Variants in SVIL observed in about 807,000 individuals in gnomAD.
SVIL encodes the protein supervillin.
In SVIL, 101 loss-of-function variants were observed where a neutral mutation model predicts 240.4. The ratio of observed to expected loss-of-function variants is 0.42; its 90% CI spans 0.36 to 0.50. SVIL has a LOEUF of 0.50. SVIL is among the 20% of genes least tolerant of loss of function. The pLI is 0.01. For synonymous variants in SVIL, 999 were observed against 1,100.0 expected (o/e 0.91, Z 1.82); for missense variants, 2,512 against 2,818.7 (o/e 0.89, Z 2.46).
intron 5 of SVIL, among the ~76,000 whole-genome samples, chr10:29,552,434 G>A (rs756749957): frequency 8.6e-5 from 13 of 151,486 alleles, no homozygotes; most frequent in African/African-American, 2.2e-4. Flanking sequence ...ATGGTGGTGC[G>A]TGCTTGTAAT....
At chr10:29,597,235 A>G (rs1956628885) in intron 1 of SVIL, among the ~76,000 whole-genome samples, 1 of 152,214 alleles carries the variant, frequency 6.6e-6, no homozygotes, top group Non-Finnish European at 1.5e-5. Context: ...AACGGGCTGC[A>G]CTGCTCACTT....
intron 1 of SVIL, among the ~76,000 whole-genome samples, chr10:29,572,763 CAAAAAAA>C (rs375180538): frequency 2.5e-5 from 2 of 81,332 alleles, no homozygotes; most frequent in African/African-American, 9.5e-5. Flanking sequence ...GATCCTATCT[CAAAAAAA>C]AAAAAAAAAA....
Position 29,626,393 on chromosome 10 carries a change from G to A in SVIL, c.-201+8027C>T, listed in dbSNP as rs185629355. Among the ~76,000 whole-genome samples the A allele has an allele frequency of 1.1e-4, 17 of 152,126 alleles. No individual in the cohort carries two copies. In the East Asian group the frequency reaches 2.7e-3, roughly 24 times the overall value. On this transcript the variant is annotated intron_variant, in intron 1 of 37. Transcript: ENST00000355867. ...GAGGGCAGGAATTTTGTTTCCCACC[G>A]CTCTTTCCCCAACACCTATACCAGT...
intron 6 of SVIL, among the ~76,000 whole-genome samples, chr10:29,547,795 A>C (rs552454607): frequency 1.3e-5 from 2 of 152,218 alleles, no homozygotes; most frequent in Non-Finnish European, 2.9e-5. Context: ...AGCTCTCATC[A>C]TGTGGCAATC....
At chr10:29,530,105 T>C (rs529834927) in intron 11 of SVIL, among the ~76,000 whole-genome samples, 1 of 152,166 alleles carries the variant, frequency 6.6e-6, no homozygotes, top group Non-Finnish European at 1.5e-5. Flanking sequence ...GCCTGGGAAG[T>C]TGAGGCTGCA....
intron 33 of SVIL, among the ~76,000 whole-genome samples, chr10:29,466,629 T>C (rs1444444917): frequency 1.3e-5 from 2 of 152,182 alleles, no homozygotes; most frequent in East Asian, 3.8e-4. Flanking sequence ...TGTCAGAGAC[T>C]GTCAGGTAGA....
intron 16 of SVIL, 131 bp from the exon 17 acceptor site, chr10:29,512,992 T>C: frequency 7.5e-7 from 1 of 1,328,126 alleles, no homozygotes; most frequent in Non-Finnish European, 1.0e-6. Context: ...ACATTTTGAA[T>C]TTCATTTATT....
At chr10:29,495,668 T>C (rs567659221) in intron 18 of SVIL, among the ~76,000 whole-genome samples, 7 of 152,246 alleles carry the variant, frequency 4.6e-5, no homozygotes, top group African/African-American at 1.7e-4. Flanking sequence ...GGGCCAACCT[T>C]TCAGAAGAAA....
chr10:29,673,501 G>C (rs1959948010), intron 2 of SVIL, among the ~76,000 whole-genome samples: 1 of 151,524 alleles, frequency 6.6e-6, no homozygotes, highest in Non-Finnish European at 1.5e-5. Context: ...GTTCTGCATA[G>C]TGTGGGAGGC....
chr10:29,647,569 T>C (rs1236084914), intron 3 of SVIL, among the ~76,000 whole-genome samples: 1 of 152,164 alleles, frequency 6.6e-6, no homozygotes, highest in Non-Finnish European at 1.5e-5. Context: ...TTGATTGTAT[T>C]GTACCTTCTG....
upstream of SVIL, among the ~76,000 whole-genome samples, chr10:29,638,763 G>C (rs534919256): frequency 3.9e-5 from 6 of 152,246 alleles, no homozygotes; most frequent in African/African-American, 1.2e-4. Context: ...TGTTTATTTA[G>C]CAGGCTGTGT....
chr10:29,719,688 A>G (rs1052575066), intron 1 of SVIL, among the ~76,000 whole-genome samples: 1 of 152,252 alleles, frequency 6.6e-6, no homozygotes, highest in African/African-American at 2.4e-5. Flanking sequence ...TGAACAGTAG[A>G]CTGGATAGGA....
intron 1 of SVIL, among the ~76,000 whole-genome samples, chr10:29,623,321 A>G (rs1220318950): frequency 6.6e-6 from 1 of 152,226 alleles, no homozygotes; most frequent in Non-Finnish European, 1.5e-5. Flanking sequence ...TTAAGGTCTA[A>G]TTCCTCAGTG....
intron 17 of SVIL, among the ~76,000 whole-genome samples, chr10:29,506,569 T>G (rs1160148758): frequency 3.9e-5 from 6 of 151,976 alleles, no homozygotes; most frequent in Admixed American, 2.0e-4. Flanking sequence ...AGAGGCCACC[T>G]GAGAGCTAAG....
chr10:29,466,501 C>T (rs534890497), intron 33 of SVIL, among the ~76,000 whole-genome samples: 1 of 152,254 alleles, frequency 6.6e-6, no homozygotes, highest in South Asian at 2.1e-4. Flanking sequence ...AGCGGTTCCA[C>T]ATCTAGGAAT....
intron 27 of SVIL, chr10:29,483,379 G>C (rs1424433732): frequency 1.3e-5 from 2 of 152,148 alleles, no homozygotes; most frequent in Admixed American, 6.5e-5. Context: ...AGAAGGTCTG[G>C]GTATGTAATC....
At chr10:29,571,852 T>C (rs1188098635) in intron 1 of SVIL, among the ~76,000 whole-genome samples, 1 of 152,200 alleles carries the variant, frequency 6.6e-6, no homozygotes, top group Non-Finnish European at 1.5e-5. Context: ...AGCTTGCTCC[T>C]GGATAGACAA....
Position 29,458,297 on chromosome 10 carries a change from G to A in SVIL, c.6595C>T (p.Leu2199=), listed in dbSNP as rs762714816. The A allele has an allele frequency of 1.6e-5, 26 of 1,614,126 alleles. 1 individual carries two copies. The Middle Eastern group carries it at 1.6e-3, about 102-fold the overall frequency. ...AGGTTCACCTGCTTCCAGGCGGGCAGGGCGTTGTATTCATCCCTCGTCATG... is the reference window on the plus strand; with the variant it reads ...AGGTTCACCTGCTTCCAGGCGGGCAAGGCGTTGTATTCATCCCTCGTCATG... ...LDMTRDEYNA[L]PAWKQVNLKK... Residue 2199 remains leucine, a synonymous_variant, in exon 38 of 38, where the codon CTG becomes TTG. Transcript: ENST00000355867.
intron 6 of SVIL, among the ~76,000 whole-genome samples, chr10:29,542,293 T>G (rs1020343091): frequency 6.6e-6 from 1 of 152,228 alleles, no homozygotes; most frequent in Admixed American, 6.5e-5. Flanking sequence ...TTGTTGGATA[T>G]TCCAGTTGCA....
Sources: gnomAD v4.1 joint callset for allele counts (sites outside exome capture counted in the v4.1 genomes callset) on GRCh38, gnomAD v4.1.1 for gene constraint, MANE v1.5 for transcripts, NCBI Gene and HGNC (gene_info 2026-07-23, HGNC 2026-07-21) for gene names.